Variants in MBOAT1 observed in about 807,000 individuals in gnomAD.
The protein encoded by MBOAT1 is membrane bound glycerophospholipid O-acyltransferase 1.
MBOAT1 carries 67 observed loss-of-function variants against 64.4 expected under a neutral mutation model. The observed-to-expected ratio is 1.04, with a 90% CI of 0.85 to 1.27. The LOEUF (loss-of-function observed/expected upper bound fraction) is 1.27. Among genes scored for constraint, MBOAT1 ranks in the 50% most tolerant of loss-of-function variants. The probability of loss-of-function intolerance (pLI) is 0.00; values close to 1 mark genes in which losing one functional copy is unlikely to be tolerated. For missense variants in MBOAT1, 563 were observed against 604.6 expected, an observed-to-expected ratio of 0.93 and a Z score of 0.72; for synonymous variants, 229 against 218.9, an observed-to-expected ratio of 1.05 and a Z score of -0.41.
At chr6:20,129,213 A>C (rs1229536103) in intron 5 of MBOAT1, among the ~76,000 whole-genome samples, 2 of 152,232 alleles carry the variant, frequency 1.3e-5, no homozygotes, top group Admixed American at 6.5e-5. Flanking sequence ...TGGAAAAAGA[A>C]ACAGGAGACT....
chr6:20,102,441 T>G (rs1759829852), intron 12 of MBOAT1, 29 bp from the exon 13 acceptor site: 1 of 1,566,718 alleles, frequency 6.4e-7, no homozygotes, highest in African/African-American at 1.4e-5. Flanking sequence ...AAAAATTATA[T>G]TTCAAATAAG....
At chr6:20,104,442 A>G (rs948272667) in intron 12 of MBOAT1, among the ~76,000 whole-genome samples, 1 of 152,262 alleles carries the variant, frequency 6.6e-6, no homozygotes, top group Non-Finnish European at 1.5e-5. Flanking sequence ...CTAATAAAAA[A>G]AACAAGTTTT....
chr6:20,179,610 G>A (rs1488055612), intron 1 of MBOAT1, among the ~76,000 whole-genome samples: 1 of 152,180 alleles, frequency 6.6e-6, no homozygotes, highest in Non-Finnish European at 1.5e-5. Context: ...ATTGTGAATA[G>A]TGCTGCAATG....
rs753525754 is a variant in MBOAT1, at chr6:20,102,377, A to C, written c.1397T>G (p.Leu466Arg). Reference sequence around the variant, plus strand: ...TTTCATTGGCAGAAATAGTATTATCAGGAGACTTATGATGTGCAAATAAAA... The same window carrying C: ...TTTCATTGGCAGAAATAGTATTATCCGGAGACTTATGATGTGCAAATAAAA... ...MYFYLHIISL[L>R]IILFLPMKPQ... Residue 466 changes from leucine (L) to arginine (R), a missense_variant, in exon 13 of 13, where the codon CTG becomes CGG. Coordinates refer to ENST00000324607, the MANE Select transcript of MBOAT1 (RefSeq NM_001080480.3). The C allele has an allele frequency of 5.0e-6, 8 of 1,612,390 alleles. No homozygotes were observed. Among genetic ancestry groups the C allele is most frequent in the Non-Finnish European group, 5.9e-6 (7 of 1,178,562 alleles).
chr6:20,140,447 A>G (rs1488144779), intron 4 of MBOAT1, among the ~76,000 whole-genome samples: 2 of 152,234 alleles, frequency 1.3e-5, no homozygotes, highest in African/African-American at 4.8e-5. Flanking sequence ...AAAAGAGATT[A>G]GCATTTGAAT....
At chr6:20,207,893 T>C (rs12204103) in intron 1 of MBOAT1, among the ~76,000 whole-genome samples, 9,668 of 152,334 alleles carry the variant, frequency 0.063, 412 homozygotes, top group Middle Eastern at 0.088. Flanking sequence ...TATACTTACA[T>C]GGGCCTTTTG....
At chr6:20,133,830 C>T (rs1276344860) in intron 4 of MBOAT1, among the ~76,000 whole-genome samples, 2 of 152,088 alleles carry the variant, frequency 1.3e-5, no homozygotes, top group Non-Finnish European at 2.9e-5. Flanking sequence ...GTGCTGTGGC[C>T]GTAGAATGTA....
chr6:20,141,954 C>G (rs1226723879), intron 4 of MBOAT1, among the ~76,000 whole-genome samples: 1 of 152,272 alleles, frequency 6.6e-6, no homozygotes, highest in East Asian at 1.9e-4. Flanking sequence ...TTGCAAAGCC[C>G]TCCCTTCTGC....
intron 3 of MBOAT1, among the ~76,000 whole-genome samples, chr6:20,144,666 G>A (rs970627360): frequency 6.6e-6 from 1 of 152,218 alleles, no homozygotes; most frequent in Non-Finnish European, 1.5e-5. Flanking sequence ...GTAAGGTCTT[G>A]CACTCAAGAT....
chr6:20,183,417 A>G (rs1244705700), intron 1 of MBOAT1, among the ~76,000 whole-genome samples: 3 of 152,220 alleles, frequency 2.0e-5, no homozygotes, highest in Non-Finnish European at 2.9e-5. Flanking sequence ...CTCAACCACC[A>G]TGACTGTGAT....
chr6:20,103,003 TTGA>T, intron 12 of MBOAT1, among the ~76,000 whole-genome samples: 1 of 152,258 alleles, frequency 6.6e-6, no homozygotes. Flanking sequence ...TACATAGTAC[TTGA>T]TAATGACAAT....
chr6:20,199,748 T>C (rs1361926134), intron 1 of MBOAT1, among the ~76,000 whole-genome samples: 1 of 152,176 alleles, frequency 6.6e-6, no homozygotes, highest in African/African-American at 2.4e-5. Context: ...AATAGGCAGA[T>C]CACAAGGTCA....
intron 8 of MBOAT1, among the ~76,000 whole-genome samples, chr6:20,119,670 T>C (rs552625545): frequency 1.3e-5 from 2 of 152,306 alleles, no homozygotes; most frequent in South Asian, 2.1e-4. Context: ...GAAGAAAGCA[T>C]GAAAGAGACC....
intron 6 of MBOAT1, 51 bp downstream of exon 6, chr6:20,128,648 T>C (rs1760728248): frequency 7.4e-6 from 10 of 1,349,016 alleles, no homozygotes; most frequent in Non-Finnish European, 1.0e-5. Flanking sequence ...GGAAAATCTC[T>C]AGATACTGAT....
intron 6 of MBOAT1, 140 bp downstream of exon 6, chr6:20,128,559 T>C: frequency 3.3e-6 from 2 of 599,674 alleles, no homozygotes; most frequent in Admixed American, 3.7e-5. Context: ...ACAATGCACA[T>C]GTCCATCAAT....
intron 1 of MBOAT1, among the ~76,000 whole-genome samples, chr6:20,203,940 T>C (rs1439130034): frequency 6.6e-6 from 1 of 152,264 alleles, no homozygotes; most frequent in East Asian, 1.9e-4. Flanking sequence ...TTCTGCTTTC[T>C]TCAGCCTTTT....
intron 6 of MBOAT1, 42 bp from the exon 7 acceptor site, chr6:20,126,742 T>C: frequency 6.9e-7 from 1 of 1,447,908 alleles, no homozygotes; most frequent in Non-Finnish European, 9.5e-7. Context: ...CTTCAGTCTT[T>C]GCTTTTTCTT....
chr6:20,191,242 T>C (rs1330115538), intron 1 of MBOAT1, among the ~76,000 whole-genome samples: 17 of 152,266 alleles, frequency 1.1e-4, no homozygotes, highest in Admixed American at 1.0e-3. Flanking sequence ...CACCTTCTAA[T>C]TTCCACCCTG....
chr6:20,138,897 G>C (rs1761082314), intron 4 of MBOAT1, among the ~76,000 whole-genome samples: 1 of 152,192 alleles, frequency 6.6e-6, no homozygotes, highest in African/African-American at 2.4e-5. Flanking sequence ...GGCGCTGAGA[G>C]AGAATCTGTT....
Sources: allele counts gnomAD v4.1 joint callset (sites outside exome capture counted in the v4.1 genomes callset), GRCh38; gene constraint gnomAD v4.1.1; transcripts MANE v1.5; gene names NCBI Gene and HGNC (gene_info 2026-07-23, HGNC 2026-07-21).